Variants in CENPW observed in about 807,000 individuals in gnomAD.
The protein encoded by CENPW is cancer-up-regulated gene 2 protein.
In CENPW, 3 loss-of-function variants were observed where a neutral mutation model predicts 11.1. That is an observed-to-expected ratio of 0.27 (90% CI 0.12 to 0.70). The LOEUF (loss-of-function observed/expected upper bound fraction) is 0.70. Ranked by LOEUF, CENPW falls within the 30% of genes least tolerant of loss-of-function variation. The probability of loss-of-function intolerance (pLI) is 0.77; values close to 1 mark genes in which losing one functional copy is unlikely to be tolerated. For synonymous variants in CENPW, 38 were observed against 42.0 expected, an observed-to-expected ratio of 0.91 and a Z score of 0.37; for missense variants, 100 against 105.6, an observed-to-expected ratio of 0.95 and a Z score of 0.23.
At chr6:126,386,065 A>G in the CENPW span, among the ~76,000 whole-genome samples, 1 of 152,080 alleles carries the variant, frequency 6.6e-6, no homozygotes, top group Non-Finnish European at 1.5e-5. Context: ...TAACAGGTAA[A>G]AGGAATTATC....
chr6:126,462,351 G>C, the CENPW span, among the ~76,000 whole-genome samples: 1 of 151,358 alleles, frequency 6.6e-6, no homozygotes, highest in African/African-American at 2.4e-5. Flanking sequence ...AGATTTTTTA[G>C]CTTTTCTCAA....
At chr6:126,389,512 TG>T in the CENPW span, among the ~76,000 whole-genome samples, 1 of 151,874 alleles carries the variant, frequency 6.6e-6, no homozygotes, top group Non-Finnish European at 1.5e-5. Flanking sequence ...TCATCCAGCC[TG>T]TGAATACTAG....
At chr6:126,357,797 C>T in the CENPW span, among the ~76,000 whole-genome samples, 9 of 152,058 alleles carry the variant, frequency 5.9e-5, no homozygotes, top group East Asian at 9.7e-4. Flanking sequence ...TTAGTAGAGA[C>T]GGGGTTTCAC....
the CENPW span, among the ~76,000 whole-genome samples, chr6:126,355,102 AT>A: frequency 2.0e-5 from 3 of 152,052 alleles, no homozygotes; most frequent in South Asian, 2.1e-4. Flanking sequence ...TGTTATTGCC[AT>A]TTTTTTCATG....
At chr6:126,455,880 G>C in the CENPW span, among the ~76,000 whole-genome samples, 5 of 151,086 alleles carry the variant, frequency 3.3e-5, no homozygotes, top group African/African-American at 1.2e-4. Flanking sequence ...AAAGGTTTTG[G>C]ATACAAAATT....
At chr6:126,351,467 G>A (rs1437325415), downstream of CENPW, among the ~76,000 whole-genome samples, 1 of 151,982 alleles carries the variant, frequency 6.6e-6, no homozygotes, top group African/African-American at 2.4e-5. Context: ...TGTCGTCTGG[G>A]GTGTTTATAT....
chr6:126,383,437 T>C, the CENPW span, among the ~76,000 whole-genome samples: 1 of 152,060 alleles, frequency 6.6e-6, no homozygotes, highest in South Asian at 2.1e-4. Context: ...TAACCTTGAG[T>C]ATAAACAGGC....
chr6:126,449,446 C>T, the CENPW span, among the ~76,000 whole-genome samples: 4 of 151,004 alleles, frequency 2.6e-5, no homozygotes, highest in Non-Finnish European at 5.9e-5. Context: ...CTCCTTACTC[C>T]TTCCTAATAC....
At chr6:126,359,989 G>A in the CENPW span, among the ~76,000 whole-genome samples, 1 of 152,038 alleles carries the variant, frequency 6.6e-6, no homozygotes, top group Non-Finnish European at 1.5e-5. Context: ...TGGTTGTTAG[G>A]TAGACTTGAT....
At chr6:126,453,045 T>C in the CENPW span, among the ~76,000 whole-genome samples, 1 of 151,118 alleles carries the variant, frequency 6.6e-6, no homozygotes, top group African/African-American at 2.4e-5. Context: ...AGCAAAAACT[T>C]CCTTCAGATA....
chr6:126,413,511 C>A, the CENPW span, among the ~76,000 whole-genome samples: 817 of 152,004 alleles, frequency 5.4e-3, 8 homozygotes, highest in African/African-American at 0.018. Context: ...GAGGAAGAAA[C>A]AAAATCTTTC....
At chr6:126,351,763 T>C (rs1780493410), downstream of CENPW, among the ~76,000 whole-genome samples, 1 of 146,058 alleles carries the variant, frequency 6.8e-6, no homozygotes, top group Non-Finnish European at 1.5e-5. Context: ...GTGGGTTTCA[T>C]TTTTTTTTTT....
downstream of CENPW, among the ~76,000 whole-genome samples, chr6:126,350,444 C>T (rs1265267647): frequency 6.6e-6 from 1 of 152,058 alleles, no homozygotes; most frequent in Non-Finnish European, 1.5e-5. Flanking sequence ...CTCTCTGCCT[C>T]CTTTTAAAGG....
the CENPW span, among the ~76,000 whole-genome samples, chr6:126,393,532 A>T: frequency 6.6e-6 from 1 of 151,200 alleles, no homozygotes; most frequent in African/African-American, 2.4e-5. Flanking sequence ...TAATTCCTTC[A>T]TTGACTGACT....
chr6:126,375,351 G>A, the CENPW span, among the ~76,000 whole-genome samples: 1 of 152,214 alleles, frequency 6.6e-6, no homozygotes, highest in Admixed American at 6.5e-5. Context: ...GCATTTGAAT[G>A]TTCTGAGCAG....
At chr6:126,435,668 A>G in the CENPW span, among the ~76,000 whole-genome samples, 1 of 151,894 alleles carries the variant, frequency 6.6e-6, no homozygotes, top group Non-Finnish European at 1.5e-5. Flanking sequence ...TTTCTCAGAT[A>G]ACCATTATTA....
chr6:126,393,460 T>A, the CENPW span, among the ~76,000 whole-genome samples: 1 of 151,610 alleles, frequency 6.6e-6, no homozygotes, highest in South Asian at 2.1e-4. Flanking sequence ...CTGTATCCCA[T>A]AAGTTTTGGT....
the CENPW span, among the ~76,000 whole-genome samples, chr6:126,397,117 G>A: frequency 6.6e-6 from 1 of 152,026 alleles, no homozygotes; most frequent in Admixed American, 6.6e-5. Flanking sequence ...CACAGCACTA[G>A]GACTTGCCCA....
the CENPW span, among the ~76,000 whole-genome samples, chr6:126,431,700 A>G: frequency 1.1e-3 from 170 of 152,260 alleles, 1 homozygote; most frequent in Non-Finnish European, 1.9e-3. Flanking sequence ...GATATATATA[A>G]TAAATATGCA....
Sources: allele counts gnomAD v4.1 joint callset (sites outside exome capture counted in the v4.1 genomes callset), GRCh38; gene constraint gnomAD v4.1.1; transcripts MANE v1.5; gene names NCBI Gene and HGNC (gene_info 2026-07-23, HGNC 2026-07-21).